GRM8: variants seen among roughly 807,000 people sequenced by gnomAD.
GRM8 encodes the protein metabotropic glutamate receptor 8.
In GRM8, 47 loss-of-function variants were observed where a neutral mutation model predicts 87.2. The ratio of observed to expected loss-of-function variants is 0.54; its 90% CI spans 0.43 to 0.69. The LOEUF is 0.69. Among genes scored for constraint, GRM8 ranks in the 30% least tolerant of loss-of-function variants. The pLI is 0.00. For missense variants in GRM8, 1,019 were observed against 1,139.2 expected (o/e 0.89, Z 1.52); for synonymous variants, 396 against 404.5 (o/e 0.98, Z 0.25).
At chr7:127,174,826 C>G (rs1794005800) in intron 2 of GRM8, among the ~76,000 whole-genome samples, 1 of 152,170 alleles carries the variant, frequency 6.6e-6, no homozygotes, top group African/African-American at 2.4e-5. Flanking sequence ...CAGTTCTAAG[C>G]TGGTAATTTT....
At chr7:126,560,888 T>A (rs1035485800) in intron 8 of GRM8, among the ~76,000 whole-genome samples, 2 of 152,220 alleles carry the variant, frequency 1.3e-5, no homozygotes, top group African/African-American at 4.8e-5. Flanking sequence ...TTAAGTAATT[T>A]CATTATTATA....
At chr7:126,524,844 T>C (rs917134638) in intron 9 of GRM8, among the ~76,000 whole-genome samples, 28 of 152,326 alleles carry the variant, frequency 1.8e-4, no homozygotes, top group Middle Eastern at 3.4e-3. Context: ...TGACTGATAT[T>C]TTCCATAGCC....
chr7:126,671,953 G>A (rs777852946), intron 7 of GRM8, among the ~76,000 whole-genome samples: 1 of 152,140 alleles, frequency 6.6e-6, no homozygotes, highest in Non-Finnish European at 1.5e-5. Flanking sequence ...ATTTTTGTCT[G>A]AAACTCAATT....
chr7:126,630,501 G>A (rs527573681), intron 7 of GRM8, among the ~76,000 whole-genome samples: 1 of 152,248 alleles, frequency 6.6e-6, no homozygotes, highest in Middle Eastern at 3.4e-3. Flanking sequence ...CCAAAAAATT[G>A]AAAAGGTTGG....
At chr7:126,583,601 T>G (rs746322027) in intron 8 of GRM8, among the ~76,000 whole-genome samples, 1 of 152,148 alleles carries the variant, frequency 6.6e-6, no homozygotes, top group Non-Finnish European at 1.5e-5. Flanking sequence ...CATGGATGAC[T>G]TTGAGGTGTT....
At position 126,446,314 on chromosome 7, in the gene GRM8, A is replaced by G. The variant is rs1425351235; in HGVS notation, c.2489T>C (p.Leu830Pro). The part of the protein sequence containing the change: ...VSMSLSASVS[L>P]GMLYMPKVYI... ...AACCTTGGGCATATAGAGCATGCCC[A>G]GAGATACTGAAGCACTTAAACTCAT... Residue 830 changes from leucine to proline, a missense_variant, in exon 10 of 11, where the codon CTG becomes CCG. Transcript: ENST00000339582. 1.2e-6 allele frequency: 2 copies of G among 1,610,800 alleles called. No homozygotes were observed. The highest frequency in any genetic ancestry group is 4.5e-5 in the East Asian group (2 of 44,666).
At chr7:126,942,508 A>G (rs1256098139) in intron 3 of GRM8, among the ~76,000 whole-genome samples, 1 of 152,198 alleles carries the variant, frequency 6.6e-6, no homozygotes, top group African/African-American at 2.4e-5. Flanking sequence ...AACAAGGCCA[A>G]GGTCCTAGAC....
chr7:126,710,555 T>C (rs1810999623), intron 7 of GRM8, among the ~76,000 whole-genome samples: 1 of 152,236 alleles, frequency 6.6e-6, no homozygotes, highest in Non-Finnish European at 1.5e-5. Flanking sequence ...AAGAAGGTAC[T>C]CTTCCTCCAT....
chr7:126,540,518 C>A (rs1816410228), intron 8 of GRM8, among the ~76,000 whole-genome samples: 1 of 151,908 alleles, frequency 6.6e-6, no homozygotes, highest in South Asian at 2.1e-4. Context: ...ATTCATAATA[C>A]CCCCCAAAAC....
intron 3 of GRM8, among the ~76,000 whole-genome samples, chr7:126,963,361 G>A (rs1370340852): frequency 1.3e-5 from 2 of 152,020 alleles, no homozygotes. Flanking sequence ...ACTATCAATT[G>A]AATCTGAATT....
intron 6 of GRM8, among the ~76,000 whole-genome samples, chr7:126,832,262 C>A (rs1180812324): frequency 1.3e-5 from 2 of 151,636 alleles, no homozygotes; most frequent in African/African-American, 2.4e-5. Flanking sequence ...GGCCTGTGAT[C>A]TAGAATGACA....
At chr7:126,676,890 C>T (rs1175455673) in intron 7 of GRM8, among the ~76,000 whole-genome samples, 3 of 152,144 alleles carry the variant, frequency 2.0e-5, no homozygotes, top group Non-Finnish European at 4.4e-5. Flanking sequence ...AACTAAACAG[C>T]TTCTGCATAG....
At chr7:126,598,301 T>C (rs1272365976) in intron 8 of GRM8, among the ~76,000 whole-genome samples, 1 of 152,082 alleles carries the variant, frequency 6.6e-6, no homozygotes, top group African/African-American at 2.4e-5. Flanking sequence ...TACTAGTAGA[T>C]TGCCCTAGAA....
chr7:126,584,721 C>A (rs2151021997), intron 8 of GRM8, among the ~76,000 whole-genome samples: 1 of 152,202 alleles, frequency 6.6e-6, no homozygotes, highest in Non-Finnish European at 1.5e-5. Flanking sequence ...TAGCATTTCC[C>A]AAATAACGTT....
intron 2 of GRM8, among the ~76,000 whole-genome samples, chr7:127,108,374 T>C (rs1826012495): frequency 6.6e-6 from 1 of 152,170 alleles, no homozygotes; most frequent in East Asian, 1.9e-4. Context: ...TGCATTCCTA[T>C]ATCCTAACGA....
At chr7:126,535,102 C>T (rs991500355) in intron 8 of GRM8, among the ~76,000 whole-genome samples, 1 of 152,170 alleles carries the variant, frequency 6.6e-6, no homozygotes, top group Admixed American at 6.5e-5. Flanking sequence ...TTCGCCTTTA[C>T]TAATAATCCA....
At chr7:126,773,531 C>T (rs1277303801) in intron 6 of GRM8, among the ~76,000 whole-genome samples, 2 of 152,130 alleles carry the variant, frequency 1.3e-5, no homozygotes, top group Non-Finnish European at 2.9e-5. Context: ...AGTGCCAGTG[C>T]AACCTCAATT....
intron 6 of GRM8, among the ~76,000 whole-genome samples, chr7:126,806,399 T>C (rs1792719841): frequency 6.6e-6 from 1 of 152,200 alleles, no homozygotes. Context: ...GAAGATTTAT[T>C]GCAAAGAGCG....
At chr7:126,699,787 G>T (rs1433079485) in intron 7 of GRM8, among the ~76,000 whole-genome samples, 1 of 152,114 alleles carries the variant, frequency 6.6e-6, no homozygotes, top group African/African-American at 2.4e-5. Context: ...AATGCCCTAA[G>T]CCCACTAGAG....
Sources: allele counts gnomAD v4.1 joint callset (sites outside exome capture counted in the v4.1 genomes callset), GRCh38; gene constraint gnomAD v4.1.1; transcripts MANE v1.5; gene names NCBI Gene and HGNC (gene_info 2026-07-23, HGNC 2026-07-21).